The following CUBN variants were observed in gnomAD, a reference collection of about 807,000 sequenced individuals.
CUBN encodes cubilin, also known as 460 kDa receptor.
CUBN carries 282 observed loss-of-function variants against 405.3 expected under a neutral mutation model. The observed-to-expected ratio is 0.70, with a 90% CI of 0.63 to 0.77. CUBN has a LOEUF of 0.77. Among genes scored for constraint, CUBN ranks in the 30% least tolerant of loss-of-function variants. The probability of loss-of-function intolerance (pLI) is 0.00; values close to 1 mark genes in which losing one functional copy is unlikely to be tolerated. For missense variants in CUBN, 4,514 were observed against 4,475.2 expected (o/e 1.01, Z -0.25); for synonymous variants, 1,684 against 1,617.0 (o/e 1.04, Z -0.99).
At chr10:16,976,841 C>G (rs1346956882) in intron 31 of CUBN, among the ~76,000 whole-genome samples, 1 of 152,086 alleles carries the variant, frequency 6.6e-6, no homozygotes, top group African/African-American at 2.4e-5. Flanking sequence ...TCTGCCTAGT[C>G]CCCCCAAAAA....
At position 17,041,295 on chromosome 10, in the gene CUBN, A is replaced by T. The variant is rs79180438; in HGVS notation, c.3830-75T>A. The T allele has an allele frequency of 2.9e-3, 3,626 of 1,250,992 alleles. 76 individuals are homozygous for T. The African/African-American group carries it at 0.047, about 16-fold the overall frequency. 77.5% of individuals were successfully genotyped at this position (1,250,992 alleles called of 1,614,324 possible). A position where few individuals can be genotyped will look rare whatever the true frequency, so the allele number is the denominator to read the frequency against. The stretch of plus-strand genomic sequence containing the variant: ...GCTCCAAGATGAGATTTTCCTTTAA[A>T]AAAAATAAATAAAAATCATCTGTGT... On this transcript the variant is annotated intron_variant, in intron 26 of 66. Coordinates refer to ENST00000377833, the MANE Select transcript of CUBN (RefSeq NM_001081.4).
At chr10:16,879,138 C>T (rs1840597860) in intron 56 of CUBN, among the ~76,000 whole-genome samples, 1 of 152,130 alleles carries the variant, frequency 6.6e-6, no homozygotes, top group Non-Finnish European at 1.5e-5. Flanking sequence ...AAGAAACTGC[C>T]AAACTATATC....
chr10:16,867,514 A>C (rs1402454335), intron 59 of CUBN, among the ~76,000 whole-genome samples: 2 of 152,232 alleles, frequency 1.3e-5, no homozygotes. Context: ...CATAATACTT[A>C]GGTTTTCACT....
At position 17,097,945 on chromosome 10, in the gene CUBN, G is replaced by C. The variant is rs546172440; in HGVS notation, c.1765+2060C>G. Among the ~76,000 whole-genome samples the C allele has an allele frequency of 1.6e-4, 25 of 152,140 alleles. No individual in the cohort carries two copies. In the Middle Eastern group the frequency reaches 0.01, roughly 62 times the overall value. On this transcript the variant is annotated intron_variant, in intron 14 of 66. Transcript: ENST00000377833. ...CTATGTCCCCTCGCCTTGAATTTGG[G>C]TCAGCTTGTGACTAAGTTAACCCAT...
intron 23 of CUBN, among the ~76,000 whole-genome samples, chr10:17,046,412 G>A (rs1035089600): frequency 6.6e-6 from 1 of 152,014 alleles, no homozygotes; most frequent in African/African-American, 2.4e-5. Context: ...GAGAAAACAC[G>A]ATAAAGAAAC....
intron 6 of CUBN, among the ~76,000 whole-genome samples, chr10:17,116,266 C>A (rs185483047): frequency 3.0e-3 from 464 of 152,296 alleles, no homozygotes; most frequent in Non-Finnish European, 5.1e-3. Context: ...CAATGATAAT[C>A]AAATAAGCAA....
At position 16,889,938 on chromosome 10, in the gene CUBN, A is replaced by AAAAAAAAAAAAAAAAAAACAAAC. The variant is rs1554788545; in HGVS notation, c.8755+432_8755+433insGTTTGTTTTTTTTTTTTTTTTTT. Reference sequence around the variant, plus strand: ...GCGACAGAGTGAGACGCCGTGTCAAAAAAAAAAAAAAAAAACAGGAAAGAC... The same window carrying AAAAAAAAAAAAAAAAAAACAAAC: ...GCGACAGAGTGAGACGCCGTGTCAAAAAAAAAAAAAAAAAAAAACAAACAAAAAAAAAAAAAAACAGGAAAGAC... On this transcript the variant is annotated intron_variant, in intron 55 of 66. Transcript: ENST00000377833. Among the ~76,000 whole-genome samples the AAAAAAAAAAAAAAAAAAACAAAC allele has an allele frequency of 7.0e-5, 9 of 129,438 alleles. 3 individuals are homozygous for AAAAAAAAAAAAAAAAAAACAAAC. Among genetic ancestry groups the AAAAAAAAAAAAAAAAAAACAAAC allele is most frequent in the African/African-American group, 2.8e-4 (9 of 32,516 alleles). The allele number at this position is 129,438 out of a possible 152,430, so 84.9% of individuals were successfully genotyped here. A position where few individuals can be genotyped will look rare whatever the true frequency, so the allele number is the denominator to read the frequency against.
At position 16,989,024 on chromosome 10, in the gene CUBN, C is replaced by T. The variant is rs564280596; in HGVS notation, c.4350+1310G>A. ...AATCAGAGACGTTGATGCTTTCATT[C>T]ATTCCACAAACATCTATTGAGTGTT... On this transcript the variant is annotated intron_variant, in intron 29 of 66. Transcript: ENST00000377833. 1.5e-3 allele frequency among the ~76,000 whole-genome samples: 232 copies of T among 152,320 alleles called. 1 individual carries two copies. The highest frequency in any genetic ancestry group is 5.4e-3 in the African/African-American group (225 of 41,570).
Position 16,924,647 on chromosome 10 carries a change from C to CTATT in CUBN, c.6646+590_6646+593dup, listed in dbSNP as rs998239748. ...TTACTCCCTTTTTTTGAAGTGATGC[C>CTATT]TATTTATTTATTTATTTATTCAATT... On this transcript the variant is annotated intron_variant, in intron 43 of 66. Coordinates refer to ENST00000377833, the MANE Select transcript of CUBN (RefSeq NM_001081.4). 4.0e-5 allele frequency among the ~76,000 whole-genome samples: 6 copies of CTATT among 151,764 alleles called. No individual in the cohort carries two copies. In the South Asian group the frequency reaches 6.2e-4, roughly 16 times the overall value.
chr10:16,904,195 T>G (rs980787274), intron 50 of CUBN, 80 bp from the exon 51 acceptor site: 3 of 1,305,360 alleles, frequency 2.3e-6, no homozygotes, highest in Non-Finnish European at 3.3e-6. Flanking sequence ...AAAAACAAAT[T>G]TCAAGATATT....
chr10:17,047,372 A>T, intron 23 of CUBN, 42 bp downstream of exon 23: 1 of 1,439,528 alleles, frequency 6.9e-7, no homozygotes, highest in Non-Finnish European at 9.7e-7. Context: ...TAATGAGAAT[A>T]AATAATGAAA....
intron 60 of CUBN, among the ~76,000 whole-genome samples, chr10:16,843,807 T>A (rs367679822): frequency 6.6e-6 from 1 of 152,208 alleles, no homozygotes; most frequent in African/African-American, 2.4e-5. Context: ...TACAAATACA[T>A]ATATTTGTGT....
intron 64 of CUBN, among the ~76,000 whole-genome samples, chr10:16,834,101 C>T (rs561930483): frequency 1.3e-5 from 2 of 152,134 alleles, no homozygotes; most frequent in Non-Finnish European, 2.9e-5. Context: ...AATGCATTTT[C>T]GACAGAGCTT....
At chr10:17,037,985 C>A (rs975241969) in intron 27 of CUBN, among the ~76,000 whole-genome samples, 3 of 150,484 alleles carry the variant, frequency 2.0e-5, no homozygotes, top group Non-Finnish European at 4.4e-5. Context: ...GTCACCCAGG[C>A]TGGAATGCAA....
chr10:16,984,356 C>T (rs1321818451), intron 29 of CUBN, 77 bp from the exon 30 acceptor site: 3 of 1,355,518 alleles, frequency 2.2e-6, no homozygotes, highest in Non-Finnish European at 3.1e-6. Flanking sequence ...CTCATTTTGA[C>T]CCCCGGCTCC....
chr10:16,841,733 T>C (rs561859542), intron 60 of CUBN, among the ~76,000 whole-genome samples: 1 of 152,182 alleles, frequency 6.6e-6, no homozygotes, highest in African/African-American at 2.4e-5. Flanking sequence ...CCTCGTGCAT[T>C]TCTTCAGGTC....
chr10:16,975,969 C>CT (rs1833081213), intron 31 of CUBN, among the ~76,000 whole-genome samples: 1 of 127,640 alleles, frequency 7.8e-6, no homozygotes, highest in South Asian at 2.4e-4. Context: ...CACCTTTATT[C>CT]CTTTTTTTTT....
intron 14 of CUBN, among the ~76,000 whole-genome samples, chr10:17,092,482 G>A (rs1361435309): frequency 6.6e-6 from 1 of 152,116 alleles, no homozygotes; most frequent in African/African-American, 2.4e-5. Flanking sequence ...GAGATAGGAG[G>A]TCGGCACAAG....
intron 21 of CUBN, among the ~76,000 whole-genome samples, chr10:17,067,178 A>G (rs12250848): frequency 0.043 from 6,620 of 152,226 alleles, 470 homozygotes; most frequent in African/African-American, 0.15. Context: ...GGAAAAATCA[A>G]TCTATAAAAC....
Sources: gnomAD v4.1 joint callset for allele counts (sites outside exome capture counted in the v4.1 genomes callset) on GRCh38, gnomAD v4.1.1 for gene constraint, MANE v1.5 for transcripts, NCBI Gene and HGNC (gene_info 2026-07-23, HGNC 2026-07-21) for gene names.